ADGRL3: variants seen among roughly 807,000 people sequenced by gnomAD.
The protein encoded by ADGRL3 is adhesion G protein-coupled receptor L3.
Under a neutral mutation model 153.5 loss-of-function variants are expected in ADGRL3, and 62 were observed. The ratio of observed to expected loss-of-function variants is 0.40; its 90% CI spans 0.33 to 0.50. The LOEUF (loss-of-function observed/expected upper bound fraction) is 0.50. ADGRL3 is among the 20% of genes least tolerant of loss of function. The probability of loss-of-function intolerance (pLI) is 0.47; values close to 1 mark genes in which losing one functional copy is unlikely to be tolerated. For missense variants in ADGRL3, 1,641 were observed against 1,859.4 expected, an observed-to-expected ratio of 0.88 and a Z score of 2.16; for synonymous variants, 710 against 672.5, an observed-to-expected ratio of 1.06 and a Z score of -0.86.
chr4:61,600,977 A>C (rs538018870), intron 5 of ADGRL3, among the ~76,000 whole-genome samples: 1 of 152,212 alleles, frequency 6.6e-6, no homozygotes, highest in Middle Eastern at 3.4e-3. Flanking sequence ...CAAAATCAGA[A>C]AAGTTTTAGA....
chr4:61,298,432 A>C (rs757267612), intron 1 of ADGRL3, among the ~76,000 whole-genome samples: 1 of 152,136 alleles, frequency 6.6e-6, no homozygotes, highest in Non-Finnish European at 1.5e-5. Flanking sequence ...TTTTTGAATC[A>C]TTTCATTAAA....
intron 2 of ADGRL3, among the ~76,000 whole-genome samples, chr4:61,404,255 T>G (rs1446524200): frequency 6.6e-6 from 1 of 152,048 alleles, no homozygotes; most frequent in African/African-American, 2.4e-5. Context: ...ACATTATAAT[T>G]ATAAATAATA....
chr4:61,783,285 A>G (rs1178189763), intron 8 of ADGRL3, among the ~76,000 whole-genome samples: 2 of 152,122 alleles, frequency 1.3e-5, no homozygotes, highest in Non-Finnish European at 2.9e-5. Context: ...TCATGCCACC[A>G]TCAGCAGTGT....
chr4:61,842,958 G>A (rs1408267699), intron 9 of ADGRL3, among the ~76,000 whole-genome samples: 1 of 152,090 alleles, frequency 6.6e-6, no homozygotes, highest in Non-Finnish European at 1.5e-5. Flanking sequence ...TCAGTAGTAG[G>A]CTATGAGGAA....
intron 4 of ADGRL3, among the ~76,000 whole-genome samples, chr4:61,551,433 A>T (rs2148815846): frequency 6.6e-6 from 1 of 152,224 alleles, no homozygotes. Flanking sequence ...TGTTTTGATT[A>T]TTTTTCTCAT....
intron 6 of ADGRL3, among the ~76,000 whole-genome samples, chr4:61,699,052 C>T (rs1025676993): frequency 6.6e-6 from 1 of 152,156 alleles, no homozygotes; most frequent in African/African-American, 2.4e-5. Flanking sequence ...TTGGTAACAT[C>T]TTTCATCTAA....
At chr4:61,931,251 G>A (rs1400276774) in intron 13 of ADGRL3, among the ~76,000 whole-genome samples, 2 of 152,118 alleles carry the variant, frequency 1.3e-5, no homozygotes, top group African/African-American at 4.8e-5. Context: ...TTGTGTAAGA[G>A]ACCAAATTAT....
intron 1 of ADGRL3, among the ~76,000 whole-genome samples, chr4:61,278,942 C>A (rs2093605866): frequency 6.6e-6 from 1 of 152,192 alleles, no homozygotes; most frequent in South Asian, 2.1e-4. Context: ...TGTTTGCATG[C>A]AGGCATGCCA....
chr4:61,408,767 C>A (rs1283771197), intron 2 of ADGRL3, among the ~76,000 whole-genome samples: 1 of 151,836 alleles, frequency 6.6e-6, no homozygotes, highest in Non-Finnish European at 1.5e-5. Context: ...GAGTTATAAC[C>A]TGATTTTTTT....
chr4:61,397,361 G>T (rs1291538942), intron 2 of ADGRL3, among the ~76,000 whole-genome samples: 1 of 151,824 alleles, frequency 6.6e-6, no homozygotes, highest in Non-Finnish European at 1.5e-5. Context: ...GCTGAGTCAC[G>T]CTCCATTTGT....
chr4:61,422,331 GT>G (rs908082651), intron 2 of ADGRL3, among the ~76,000 whole-genome samples: 4 of 152,022 alleles, frequency 2.6e-5, no homozygotes, highest in African/African-American at 9.7e-5. Context: ...TTAAATATTT[GT>G]TTTTTTCTAA....
At chr4:61,724,183 C>T (rs1339404499) in intron 6 of ADGRL3, among the ~76,000 whole-genome samples, 1 of 152,106 alleles carries the variant, frequency 6.6e-6, no homozygotes, top group Non-Finnish European at 1.5e-5. Context: ...ATAGTAGTAA[C>T]AAATCATTGT....
intron 4 of ADGRL3, among the ~76,000 whole-genome samples, chr4:61,552,687 G>A (rs1000974273): frequency 2.0e-5 from 3 of 152,020 alleles, no homozygotes; most frequent in African/African-American, 7.2e-5. Context: ...CAGACTGGTT[G>A]TGAACTCCTG....
rs1318629457 is a variant in ADGRL3 at position 62,070,491 on chromosome 4, C to T, written c.4215C>T (p.Pro1405=). 7 of 1,548,374 alleles carry T rather than the reference C, an allele frequency of 4.5e-6. No individual in the cohort carries two copies. The African/African-American group carries it at 9.8e-5, about 22-fold the overall frequency. ...AGGAATCTGATGCTCCTTTGCTGCC[C>T]CCAAGAGTATACTCCACCGAGAACC... ...IHEESDAPLL[P]PRVYSTENHQ... The change falls in exon 27 of 27, where the codon CCC becomes CCT. Residue 1405 remains proline, a synonymous_variant. Transcript: ENST00000683033.
intron 5 of ADGRL3, among the ~76,000 whole-genome samples, chr4:61,637,258 G>T (rs1031295202): frequency 2.0e-5 from 3 of 152,236 alleles, no homozygotes; most frequent in African/African-American, 7.2e-5. Flanking sequence ...ATAAATAGGG[G>T]AAATTTGAAC....
At chr4:61,322,643 A>T (rs1560472390) in intron 1 of ADGRL3, among the ~76,000 whole-genome samples, 1 of 152,228 alleles carries the variant, frequency 6.6e-6, no homozygotes, top group African/African-American at 2.4e-5. Flanking sequence ...TGTTAGAGCT[A>T]CAAAATGATC....
chr4:61,416,588 A>G (rs1260725599), intron 2 of ADGRL3, among the ~76,000 whole-genome samples: 1 of 152,240 alleles, frequency 6.6e-6, no homozygotes, highest in Non-Finnish European at 1.5e-5. Context: ...AACTTTTATA[A>G]CAATTTAATA....
chr4:62,017,660 T>G (rs565159529), intron 21 of ADGRL3, among the ~76,000 whole-genome samples: 10 of 152,116 alleles, frequency 6.6e-5, no homozygotes, highest in Admixed American at 6.6e-4. Context: ...CTGGTAAAGA[T>G]AGTTTCAGAG....
intron 25 of ADGRL3, among the ~76,000 whole-genome samples, chr4:62,057,479 G>A (rs1396376048): frequency 6.6e-6 from 1 of 151,992 alleles, no homozygotes; most frequent in Admixed American, 6.6e-5. Context: ...AAATGACTAT[G>A]ATTTTAACTG....
Sources: allele counts gnomAD v4.1 joint callset (sites outside exome capture counted in the v4.1 genomes callset), GRCh38; gene constraint gnomAD v4.1.1; transcripts MANE v1.5; gene names NCBI Gene and HGNC (gene_info 2026-07-23, HGNC 2026-07-21).